Variants in ADARB2 observed in about 807,000 individuals in gnomAD.
The protein encoded by ADARB2 is adenosine deaminase RNA specific B2 (inactive), also known as inactive double-stranded RNA-specific editase B2.
ADARB2 carries 25 observed loss-of-function variants against 62.2 expected under a neutral mutation model. The ratio of observed to expected loss-of-function variants is 0.40; its 90% CI spans 0.29 to 0.56. ADARB2 has a LOEUF of 0.56. Ranked by LOEUF, ADARB2 falls within the 20% of genes least tolerant of loss-of-function variation. The probability of loss-of-function intolerance (pLI) is 0.43; values close to 1 mark genes in which losing one functional copy is unlikely to be tolerated. For missense variants in ADARB2, 1,071 were observed against 1,077.4 expected, an observed-to-expected ratio of 0.99 and a Z score of 0.08; for synonymous variants, 572 against 500.8, an observed-to-expected ratio of 1.14 and a Z score of -1.90.
At chr10:1,482,022 T>C (rs1276845951) in intron 1 of ADARB2, among the ~76,000 whole-genome samples, 1 of 151,848 alleles carries the variant, frequency 6.6e-6, no homozygotes. Flanking sequence ...ATTAGAGAAA[T>C]AAAAATCAAA....
chr10:1,324,249 A>ACCCACC (rs1446176486), intron 3 of ADARB2, among the ~76,000 whole-genome samples: 7 of 152,230 alleles, frequency 4.6e-5, no homozygotes, highest in Admixed American at 4.6e-4. Context: ...AGCAGTGGCC[A>ACCCACC]CAATAAAGGC....
rs562015117 is a variant in ADARB2, at chr10:1,479,584, C to T, written c.101-100424G>A. ...GCAGGAAATCCAGAGTCGGGTTCTG[C>T]CTCCTAAACCATGGGTGGCATTTGG... On this transcript the variant is annotated intron_variant, in intron 1 of 9. Coordinates refer to ENST00000381312, the MANE Select transcript of ADARB2 (RefSeq NM_018702.4). Among the ~76,000 whole-genome samples, 9 of 152,256 alleles carry T rather than the reference C, an allele frequency of 5.9e-5. 1 individual carries two copies. The highest frequency in any genetic ancestry group is 2.6e-4 in the Admixed American group (4 of 15,288).
chr10:1,429,773 T>TA (rs1564287226), intron 1 of ADARB2, among the ~76,000 whole-genome samples: 1 of 152,240 alleles, frequency 6.6e-6, no homozygotes, highest in African/African-American at 2.4e-5. Flanking sequence ...AAAGATTAGA[T>TA]ACAATCTTTC....
chr10:1,547,824 G>A (rs1427839184), intron 1 of ADARB2, among the ~76,000 whole-genome samples: 1 of 151,808 alleles, frequency 6.6e-6, no homozygotes, highest in Non-Finnish European at 1.5e-5. Flanking sequence ...TATACACTGT[G>A]GGGAGGGGGA....
chr10:1,686,086 T>A (rs1356977982), intron 1 of ADARB2, among the ~76,000 whole-genome samples: 1 of 152,216 alleles, frequency 6.6e-6, no homozygotes, highest in Non-Finnish European at 1.5e-5. Flanking sequence ...GTGAAATAAA[T>A]CTTGGTATTT....
At chr10:1,524,162 A>T (rs936214887) in intron 1 of ADARB2, among the ~76,000 whole-genome samples, 15 of 152,188 alleles carry the variant, frequency 9.9e-5, no homozygotes, top group African/African-American at 2.9e-4. Context: ...TTTAAGGTAC[A>T]CAAAATTTTG....
chr10:1,661,603 A>G (rs567695374), intron 1 of ADARB2, among the ~76,000 whole-genome samples: 10 of 152,194 alleles, frequency 6.6e-5, no homozygotes, highest in Non-Finnish European at 1.3e-4. Context: ...TAGCCAGGGA[A>G]GCAGAGCCAG....
chr10:1,331,595 T>C (rs1831928232), intron 3 of ADARB2, among the ~76,000 whole-genome samples: 1 of 152,164 alleles, frequency 6.6e-6, no homozygotes, highest in Non-Finnish European at 1.5e-5. Context: ...GAGGGGAAAA[T>C]GCTAACAGGT....
chr10:1,582,510 G>A (rs559854455), intron 1 of ADARB2, among the ~76,000 whole-genome samples: 1 of 152,240 alleles, frequency 6.6e-6, no homozygotes, highest in Non-Finnish European at 1.5e-5. Flanking sequence ...TTTTTTTCTT[G>A]ATATATTTTC....
intron 1 of ADARB2, among the ~76,000 whole-genome samples, chr10:1,461,720 C>G (rs1831177203): frequency 6.6e-6 from 1 of 151,764 alleles, no homozygotes; most frequent in Non-Finnish European, 1.5e-5. Flanking sequence ...TGTTTTTAGG[C>G]CAGGTGCAGT....
intron 1 of ADARB2, among the ~76,000 whole-genome samples, chr10:1,444,569 AC>A (rs1019652427): frequency 2.7e-5 from 4 of 149,138 alleles, no homozygotes; most frequent in Admixed American, 6.6e-5. Flanking sequence ...CCATCCATCC[AC>A]CCACCACTCT....
intron 1 of ADARB2, among the ~76,000 whole-genome samples, chr10:1,511,025 T>G (rs1036808439): frequency 6.6e-6 from 1 of 152,172 alleles, no homozygotes. Flanking sequence ...GCTAATTTTT[T>G]AAATTATTTC....
chr10:1,681,816 G>A (rs1224919381), intron 1 of ADARB2, among the ~76,000 whole-genome samples: 2 of 152,184 alleles, frequency 1.3e-5, no homozygotes, highest in South Asian at 2.1e-4. Flanking sequence ...CGGGTGTTTG[G>A]TGTGGCTCCC....
At chr10:1,403,051 G>A (rs866631558) in intron 1 of ADARB2, among the ~76,000 whole-genome samples, 155 of 152,324 alleles carry the variant, frequency 1.0e-3, no homozygotes, top group African/African-American at 3.6e-3. Flanking sequence ...TGCGCCTGGA[G>A]CTCTGCTGGG....
At chr10:1,725,843 G>T (rs1835156976) in intron 1 of ADARB2, among the ~76,000 whole-genome samples, 1 of 152,332 alleles carries the variant, frequency 6.6e-6, no homozygotes, top group South Asian at 2.1e-4. Context: ...ACCGAAGGAA[G>T]GTGAGAAGTC....
In ADARB2 at chr10:1,608,774, G is replaced by GAGAAAGAA. The variant is rs72347975; in HGVS notation, c.100+128269_100+128276dup. Among the ~76,000 whole-genome samples, 577 of 139,530 alleles carry GAGAAAGAA rather than the reference G, an allele frequency of 4.1e-3. 6 individuals are homozygous for GAGAAAGAA. The highest frequency in any genetic ancestry group is 0.015 in the African/African-American group (539 of 34,932). The allele number at this position is 139,530 out of a possible 152,430, so 91.5% of individuals were successfully genotyped here. A position where few individuals can be genotyped will look rare whatever the true frequency, so the allele number is the denominator to read the frequency against. On this transcript the variant is annotated intron_variant, in intron 1 of 9. Coordinates refer to ENST00000381312, the MANE Select transcript of ADARB2 (RefSeq NM_018702.4). The stretch of plus-strand genomic sequence containing the variant: ...AAGGAAGGAAGGAAAGAAAGAGAAA[G>GAGAAAGAA]AGAAAGAAAGAAAGAAAGAAAGAAA...
At chr10:1,411,746 C>A (rs921519830) in intron 1 of ADARB2, among the ~76,000 whole-genome samples, 2 of 152,164 alleles carry the variant, frequency 1.3e-5, no homozygotes, top group Non-Finnish European at 2.9e-5. Context: ...GTAGGTGCTT[C>A]CTGAAACGCC....
intron 1 of ADARB2, among the ~76,000 whole-genome samples, chr10:1,734,089 A>G (rs1257527961): frequency 1.3e-5 from 2 of 152,140 alleles, no homozygotes; most frequent in East Asian, 3.9e-4. Flanking sequence ...AATTTAAACC[A>G]TTTATGAATA....
intron 1 of ADARB2, among the ~76,000 whole-genome samples, chr10:1,423,788 T>A (rs972477659): frequency 4.0e-5 from 6 of 150,070 alleles, no homozygotes; most frequent in Admixed American, 2.6e-4. Flanking sequence ...ATGCAGTAGG[T>A]CCACTATGCA....
Sources: gnomAD v4.1 joint callset for allele counts (sites outside exome capture counted in the v4.1 genomes callset) on GRCh38, gnomAD v4.1.1 for gene constraint, MANE v1.5 for transcripts, NCBI Gene and HGNC (gene_info 2026-07-23, HGNC 2026-07-21) for gene names.